The following SF3B1 variants were observed in gnomAD, a reference collection of about 807,000 sequenced individuals.
SF3B1 encodes the protein splicing factor 3b subunit 1.
In SF3B1, 12 loss-of-function variants were observed where a neutral mutation model predicts 153.8. The ratio of observed to expected loss-of-function variants is 0.08; its 90% confidence interval spans 0.05 to 0.13. SF3B1 has a LOEUF of 0.13. Among genes scored for constraint, SF3B1 ranks in the 10% least tolerant of loss-of-function variants. The pLI is 1.00. For synonymous variants in SF3B1, 498 were observed against 525.2 expected (o/e 0.95, Z 0.71); for missense variants, 513 against 1,606.1 (o/e 0.32, Z 11.63).
At chr2:197,416,693 CAG>C in intron 6 of SF3B1, 46 bp downstream of exon 6, 2 of 1,564,266 alleles carry the variant, frequency 1.3e-6, no homozygotes, top group Non-Finnish European at 1.7e-6. Context: ...CAGTCCATAA[CAG>C]AAAAAAATTT....
Position 197,400,546 on chromosome 2 carries a change from T to C in SF3B1, c.2719-112A>G. ...ACCCAAACATCTGTTGCTGTTTTTT[T>C]ACATCAAATCTTAAAACTTGAGGTA... On this transcript the variant is annotated intron_variant, in intron 18 of 24. Transcript: ENST00000335508. The surrounding 1 kb of genome is among the most constrained non-coding windows in gnomAD (Gnocchi z 5.0). The C allele has an allele frequency of 1.8e-6, 2 of 1,096,976 alleles. No homozygotes were observed. The highest frequency in any genetic ancestry group is 1.6e-5 in the South Asian group (1 of 61,524). The allele number at this position is 1,096,976 out of a possible 1,614,324, so 68.0% of individuals were successfully genotyped here.
At chr2:197,434,381 G>A (rs2085488691) in intron 1 of SF3B1, among the ~76,000 whole-genome samples, 1 of 152,130 alleles carries the variant, frequency 6.6e-6, no homozygotes, top group Admixed American at 6.6e-5. Flanking sequence ...CCAATAACCA[G>A]TCTCCAAAGA....
Position 197,408,438 on chromosome 2 carries a change from T to C in SF3B1, c.1048A>G (p.Thr350Ala), listed in dbSNP as rs1314897656. Residue 350 changes from threonine to alanine, a missense_variant, in exon 8 of 25, where the codon ACT (threonine) becomes GCT (alanine). Physicochemically the swap from Thr to Ala is moderately conservative, Grantham distance 58 (BLOSUM62 0). Around this residue, in one of 21 missense-constraint regions of SF3B1, gnomAD observed 91 missense variants for 157.4 expected, o/e 0.58. Transcript: ENST00000335508. ...ETPASQMGGSTPVLTPGKTPI... is the reference protein window; with the variant it reads ...ETPASQMGGSAPVLTPGKTPI... ...GTCTTTCCAGGGGTCAGAACTGGAGTGCTTCCACCCATCTGACTAGCTGGT... is the reference window on the plus strand; with the variant it reads ...GTCTTTCCAGGGGTCAGAACTGGAGCGCTTCCACCCATCTGACTAGCTGGT... The C allele has an allele frequency of 6.2e-7, 1 of 1,613,990 alleles. No individual in the cohort carries two copies. The highest frequency in any genetic ancestry group is 1.1e-5 in the South Asian group (1 of 91,072).
intron 1 of SF3B1, among the ~76,000 whole-genome samples, chr2:197,429,507 G>C (rs1013280402): frequency 6.6e-6 from 1 of 152,086 alleles, no homozygotes; most frequent in South Asian, 2.1e-4. Flanking sequence ...AAGGCAGGCC[G>C]GCACGGTGGC....
intron 4 of SF3B1, 199 bp from the exon 5 acceptor site, chr2:197,418,787 C>A: frequency 6.8e-7 from 1 of 1,480,690 alleles, no homozygotes; most frequent in South Asian, 1.4e-5. Flanking sequence ...ACACAAACAT[C>A]TACAGCAGTT....
rs758559038 is a variant in SF3B1, at chr2:197,405,346, C to T, written c.1366G>A (p.Val456Ile). ...AGATTTCCAGATGGCTGGTCATTAA[C>T]ACTTTTCATAGTTCGATCTTCAGTT... Reference protein sequence around the residue: ...MQTEDRTMKSVNDQPSGNLPF... With the variant: ...MQTEDRTMKSINDQPSGNLPF... The change falls in exon 10 of 25, where the codon GTT becomes ATT. Residue 456 changes from valine to isoleucine, a missense_variant. Transcript: ENST00000335508. 1.2e-6 allele frequency: 2 copies of T among 1,614,058 alleles called. No individual in the cohort carries two copies. The highest frequency in any genetic ancestry group is 8.5e-7 in the Non-Finnish European group (1 of 1,179,964).
intron 12 of SF3B1, among the ~76,000 whole-genome samples, 153 bp downstream of exon 12, chr2:197,403,428 AAACT>A (rs2084955947): frequency 6.6e-6 from 1 of 152,242 alleles, no homozygotes; most frequent in African/African-American, 2.4e-5. Context: ...AAGATGACAA[AAACT>A]AACATCTGTA....
intron 22 of SF3B1, among the ~76,000 whole-genome samples, chr2:197,397,662 T>C (rs1247596171): frequency 1.3e-5 from 2 of 152,182 alleles, no homozygotes; most frequent in African/African-American, 4.8e-5. Flanking sequence ...CTAGGCGTGA[T>C]GGTGCATGCC....
In SF3B1 at chr2:197,408,580, A is replaced by G; in HGVS notation, c.906T>C (p.Asp302=). The G allele has an allele frequency of 6.2e-7, 1 of 1,607,490 alleles. No individual in the cohort carries two copies. The highest frequency in any genetic ancestry group is 8.5e-7 in the Non-Finnish European group (1 of 1,175,652). ...RWDETPKTER[D]TPGHGSGWAE... The stretch of plus-strand genomic sequence containing the variant: ...CCCATCCACTTCCATGCCCAGGAGT[A>G]TCTTTAAAAAGAAAGAGTGAGTAAA... The change falls in exon 8 of 25, where the codon GAT becomes GAC. Residue 302 remains aspartate, a splice_region_variant and synonymous_variant. Coordinates refer to ENST00000335508, the MANE Select transcript of SF3B1 (RefSeq NM_012433.4).
chr2:197,393,310 T>C lies in SF3B1; in HGVS notation c.3540-122A>G, dbSNP rs2084835283. The C allele has an allele frequency of 1.0e-5, 7 of 676,322 alleles. No homozygotes were observed. In the South Asian group the frequency reaches 1.2e-4, roughly 12 times the overall value. 41.9% of individuals were successfully genotyped at this position (676,322 alleles called of 1,614,324 possible). A position where few individuals can be genotyped will look rare whatever the true frequency, so the allele number is the denominator to read the frequency against. ...ACCGGCCCATTAGAAACTAAATTAC[T>C]AATTCAGTGCACTGAATAGATGTGA... is the stretch of plus-strand genomic sequence containing the variant. On this transcript the variant is annotated intron_variant, in intron 23 of 24. Coordinates refer to ENST00000335508, the MANE Select transcript of SF3B1 (RefSeq NM_012433.4).
intron 6 of SF3B1, among the ~76,000 whole-genome samples, chr2:197,414,359 T>A (rs375284870): frequency 6.6e-6 from 1 of 152,080 alleles, no homozygotes; most frequent in African/African-American, 2.4e-5. Context: ...ATCCTAGGGA[T>A]TGAGCACAGA....
At position 197,410,018 on chromosome 2, in the gene SF3B1, C is replaced by A. The variant is rs1559269633; in HGVS notation, c.667-11G>T. ...AGTATGCCCAGGGGTCTTAAAAAAG[C>A]AAAAAAATTTTATTTCACACACCCA... On this transcript the variant is annotated splice_polypyrimidine_tract_variant and intron_variant, in intron 6 of 24. Transcript: ENST00000335508. 24 of 1,561,562 alleles carry A rather than the reference C, an allele frequency of 1.5e-5. No homozygotes were observed. The highest frequency in any genetic ancestry group is 1.4e-4 in the Admixed American group (7 of 50,846).
chr2:197,407,520 G>A (rs906686749), intron 9 of SF3B1, among the ~76,000 whole-genome samples: 2 of 151,056 alleles, frequency 1.3e-5, no homozygotes, highest in African/African-American at 2.4e-5. Context: ...CAAGAGAATC[G>A]CTTAAACCTG....
rs370861771 is a variant in SF3B1, at chr2:197,403,777, G to A, written c.1540-13C>T. 819 of 1,564,394 alleles carry A rather than the reference G, an allele frequency of 5.2e-4. 1 individual carries two copies. Among genetic ancestry groups the A allele is most frequent in the Non-Finnish European group, 6.6e-4 (764 of 1,162,562 alleles). On this transcript the variant is annotated splice_polypyrimidine_tract_variant and intron_variant, in intron 11 of 24. Transcript: ENST00000335508. ...GACGCAATGCAGCCTGGGAAAAAGA[G>A]CAGAGTAATAGGTGTGGTTTCTTTA...
intron 1 of SF3B1, among the ~76,000 whole-genome samples, chr2:197,424,991 C>T (rs1361351986): frequency 6.6e-6 from 1 of 152,060 alleles, no homozygotes; most frequent in Non-Finnish European, 1.5e-5. Context: ...GAAACCTCCT[C>T]TCCAGTAAAA....
intron 23 of SF3B1, among the ~76,000 whole-genome samples, chr2:197,394,671 C>T (rs546225807): frequency 1.4e-4 from 21 of 152,060 alleles, no homozygotes; most frequent in Admixed American, 2.6e-4. Flanking sequence ...TTTGGGATGC[C>T]AAGGCGGGTA....
chr2:197,434,489 T>A lies in SF3B1; in HGVS notation c.28+483A>T, dbSNP rs549593994. 1.8e-4 allele frequency among the ~76,000 whole-genome samples: 27 copies of A among 152,198 alleles called. 1 individual carries two copies. Among genetic ancestry groups the A allele is most frequent in the Non-Finnish European group, 4.0e-4 (27 of 68,040 alleles). Reference sequence around the variant, plus strand: ...CGTGCAAGAAAAATAAACAAGTAACTGACGCTTGAAGACACACAAGGGTAG... The same window carrying A: ...CGTGCAAGAAAAATAAACAAGTAACAGACGCTTGAAGACACACAAGGGTAG... On this transcript the variant is annotated intron_variant, in intron 1 of 24. Coordinates refer to ENST00000335508, the MANE Select transcript of SF3B1 (RefSeq NM_012433.4).
intron 1 of SF3B1, among the ~76,000 whole-genome samples, chr2:197,430,021 G>C (rs1486029791): frequency 6.6e-6 from 1 of 152,026 alleles, no homozygotes; most frequent in Non-Finnish European, 1.5e-5. Flanking sequence ...AACAAATGAA[G>C]TGCAAGGAAA....
In SF3B1 at chr2:197,391,237, A is replaced by C. The variant is rs2084806680; in HGVS notation, c.*1066T>G. 6.6e-6 allele frequency: 1 copy of C among 152,222 alleles called. No individual in the cohort carries two copies. The highest frequency in any genetic ancestry group is 1.5e-5 in the Non-Finnish European group (1 of 68,038). The allele number at this position is 152,222 out of a possible 1,614,324, so 9.4% of individuals were successfully genotyped here. On this transcript the variant is annotated 3_prime_UTR_variant, in exon 25 of 25. Coordinates refer to ENST00000335508, the MANE Select transcript of SF3B1 (RefSeq NM_012433.4). The stretch of plus-strand genomic sequence containing the variant: ...TCAGTTTATGCTGAACTCTTAGATC[A>C]ACTTATTATTACTGAATACAAAGCT...
Sources: allele counts gnomAD v4.1 joint callset (sites outside exome capture counted in the v4.1 genomes callset), GRCh38; gene constraint gnomAD v4.1.1; regional missense constraint gnomAD v4.1.1; non-coding constraint Gnocchi (gnomAD v3.1); transcripts MANE v1.5; gene names NCBI Gene and HGNC (gene_info 2026-07-23, HGNC 2026-07-21).